Variants in SDK2 observed in about 807,000 individuals in gnomAD.
SDK2 encodes the protein sidekick cell adhesion molecule 2, also known as protein sidekick-2.
In SDK2, 105 loss-of-function variants were observed where a neutral mutation model predicts 253.9. The ratio of observed to expected loss-of-function variants is 0.41; its 90% CI spans 0.35 to 0.49. SDK2 has a LOEUF of 0.49. Among genes scored for constraint, SDK2 ranks in the 20% least tolerant of loss-of-function variants. The pLI, the probability that SDK2 is intolerant of heterozygous loss-of-function variation, is 0.06. For missense variants in SDK2, 2,608 were observed against 3,003.0 expected, an observed-to-expected ratio of 0.87 and a Z score of 3.07; for synonymous variants, 1,249 against 1,234.9, an observed-to-expected ratio of 1.01 and a Z score of -0.24.
chr17:73,634,938 T>C (rs1243083073), intron 1 of SDK2, among the ~76,000 whole-genome samples: 1 of 151,964 alleles, frequency 6.6e-6, no homozygotes, highest in Non-Finnish European at 1.5e-5. Context: ...ACCCAGGCAG[T>C]AAATGACAGG....
chr17:73,489,674 G>A (rs1290373681), intron 2 of SDK2, among the ~76,000 whole-genome samples: 3 of 152,190 alleles, frequency 2.0e-5, no homozygotes, highest in African/African-American at 7.2e-5. Flanking sequence ...AAGGGATGCT[G>A]GAAAGAGGCC....
intron 3 of SDK2, among the ~76,000 whole-genome samples, chr17:73,462,044 T>C (rs114250216): frequency 0.012 from 1,807 of 152,032 alleles, 34 homozygotes; most frequent in African/African-American, 0.041. Flanking sequence ...TATGATGTGA[T>C]AGATGGTTGC....
chr17:73,584,816 T>C (rs900758077), intron 1 of SDK2, among the ~76,000 whole-genome samples: 5 of 152,252 alleles, frequency 3.3e-5, no homozygotes, highest in Non-Finnish European at 5.9e-5. Flanking sequence ...AGGGTTCCCC[T>C]GCCTCTCCTG....
At chr17:73,440,128 A>T (rs1344245885) in intron 6 of SDK2, among the ~76,000 whole-genome samples, 6 of 136,576 alleles carry the variant, frequency 4.4e-5, no homozygotes, top group Non-Finnish European at 9.3e-5. Flanking sequence ...TTTTTTTGAG[A>T]TGGAGTTTCA....
chr17:73,504,631 C>CAA (rs146981971), intron 2 of SDK2, among the ~76,000 whole-genome samples: 1,762 of 46,734 alleles, frequency 0.038, 229 homozygotes, highest in African/African-American at 0.15. Flanking sequence ...GACTCTGTCT[C>CAA]AAAAAAAAAA....
intron 1 of SDK2, among the ~76,000 whole-genome samples, chr17:73,622,094 G>C (rs2046140051): frequency 6.6e-6 from 1 of 152,208 alleles, no homozygotes; most frequent in Non-Finnish European, 1.5e-5. Context: ...ACCAATCCAT[G>C]TGTCCACTAG....
intron 1 of SDK2, among the ~76,000 whole-genome samples, chr17:73,530,601 AGCCCCTCGCAGG>A (rs2064161387): frequency 6.6e-6 from 1 of 152,186 alleles, no homozygotes; most frequent in Non-Finnish European, 1.5e-5. Context: ...AGGGGCTGTA[AGCCCCTCGCAGG>A]GGTGTAGCTT....
intron 37 of SDK2, 103 bp downstream of exon 37, chr17:73,368,304 G>A: frequency 2.8e-6 from 3 of 1,089,184 alleles, no homozygotes; most frequent in Non-Finnish European, 3.7e-6. Flanking sequence ...GGCGGATAAG[G>A]CAGCTGCCCC....
chr17:73,435,555 C>T lies in SDK2; in HGVS notation c.1090G>A (p.Gly364Ser). The T allele has an allele frequency of 6.3e-7, 1 of 1,591,682 alleles. No homozygotes were observed. The highest frequency in any genetic ancestry group is 8.6e-7 in the Non-Finnish European group (1 of 1,169,414). The part of the protein sequence containing the change: ...LTRFRQRNDG[G>S]LQISGLVPDD... ...GGCACCAGGCCGCTGATCTGCAGGC[C>T]CCCGTCGTTGCGCTGCCGGAAGCGG... The change falls in exon 9 of 45, where the codon GGC becomes AGC. Residue 364 changes from glycine to serine, a missense_variant. Physicochemically the swap from Gly to Ser is moderately conservative, Grantham distance 56. Around this residue, in one of 2 missense-constraint regions of SDK2, gnomAD observed 1,505 missense variants for 1,859.1 expected, o/e 0.81. Coordinates refer to ENST00000392650, the MANE Select transcript of SDK2 (RefSeq NM_001144952.2). This position sits in a 1 kb window ranked among gnomAD's most constrained non-coding sequence, Gnocchi z 5.7.
At chr17:73,476,826 C>T (rs527390043) in intron 2 of SDK2, among the ~76,000 whole-genome samples, 69 of 152,158 alleles carry the variant, frequency 4.5e-4, no homozygotes, top group Non-Finnish European at 6.8e-4. Context: ...GAGGAAGGCC[C>T]GTGGGCTGCT....
At chr17:73,514,045 A>G (rs774278427) in intron 1 of SDK2, among the ~76,000 whole-genome samples, 4 of 152,214 alleles carry the variant, frequency 2.6e-5, no homozygotes, top group African/African-American at 7.2e-5. Context: ...ATTGTGGACC[A>G]CAGGTATGAA....
rs1017622292 is a variant in SDK2 at position 73,643,596 on chromosome 17, C to T, written c.64+429G>A. On this transcript the variant is annotated intron_variant, in intron 1 of 44. Transcript: ENST00000392650. This position sits in a 1 kb window ranked among gnomAD's most constrained non-coding sequence, Gnocchi z 6.9. ...CTCGCCCCGGGGAGGCCATCGCCTG[C>T]CCGGCAGGGGCCCTGCCCTTCCCCG... 9.9e-5 allele frequency among the ~76,000 whole-genome samples: 15 copies of T among 152,082 alleles called. No individual in the cohort carries two copies. The highest frequency in any genetic ancestry group is 2.1e-4 in the South Asian group (1 of 4,834).
rs2145820860 is a variant in SDK2 at position 73,541,050 on chromosome 17, C to G, written c.65-33453G>C. Among the ~76,000 whole-genome samples the G allele has an allele frequency of 6.6e-6, 1 of 152,324 alleles. No homozygotes were observed. Among genetic ancestry groups the G allele is most frequent in the South Asian group, 2.1e-4 (1 of 4,822 alleles). ...CCATCAAGCTGCCAATGGTAAGCTG[C>G]TAGGCCCCCTGAGAGTAGGTGTCTG... On this transcript the variant is annotated intron_variant, in intron 1 of 44. Transcript: ENST00000392650. The surrounding 1 kb of genome is among the most constrained non-coding windows in gnomAD (Gnocchi z 4.3).
At chr17:73,378,312 G>A (rs1369285124) in intron 36 of SDK2, among the ~76,000 whole-genome samples, 1 of 151,898 alleles carries the variant, frequency 6.6e-6, no homozygotes, top group African/African-American at 2.4e-5. Flanking sequence ...ATGTTGCCCA[G>A]GCTGTTCTGT....
Position 73,379,418 on chromosome 17 carries a change from C to A in SDK2, c.4864+30G>T. 6.4e-7 allele frequency: 1 copy of A among 1,561,462 alleles called. No homozygotes were observed. The highest frequency in any genetic ancestry group is 8.8e-7 in the Non-Finnish European group (1 of 1,142,324). Reference sequence around the variant, plus strand: ...ACTGGGTGGGGCTGGGAAAGGCATGCTGGGGCCGGACAGGGCGGGCGCTGC... The same window carrying A: ...ACTGGGTGGGGCTGGGAAAGGCATGATGGGGCCGGACAGGGCGGGCGCTGC... On this transcript the variant is annotated intron_variant, in intron 35 of 44. Coordinates refer to ENST00000392650, the MANE Select transcript of SDK2 (RefSeq NM_001144952.2). This position sits in a 1 kb window ranked among gnomAD's most constrained non-coding sequence, Gnocchi z 4.5.
At chr17:73,593,691 C>T (rs1025068365) in intron 1 of SDK2, among the ~76,000 whole-genome samples, 16 of 152,206 alleles carry the variant, frequency 1.1e-4, no homozygotes, top group South Asian at 4.1e-4. Context: ...ATGCAGTAAT[C>T]GGATCACGGA....
chr17:73,450,972 T>A (rs1362425377), intron 4 of SDK2, among the ~76,000 whole-genome samples: 1 of 152,222 alleles, frequency 6.6e-6, no homozygotes, highest in Admixed American at 6.5e-5. Flanking sequence ...GCTTCCCTTG[T>A]GTCATGGACT....
chr17:73,483,701 ATATATATTTTT>A (rs1567799535), intron 2 of SDK2, among the ~76,000 whole-genome samples: 1 of 63,118 alleles, frequency 1.6e-5, no homozygotes, highest in African/African-American at 7.9e-5. Flanking sequence ...ATATATATAT[ATATATATTTTT>A]TTTTTTTTTT....
At chr17:73,365,165 TCA>T (rs1331630516) in intron 38 of SDK2, 91 bp downstream of exon 38, 6 of 921,770 alleles carry the variant, frequency 6.5e-6, no homozygotes, top group Non-Finnish European at 9.3e-6. Context: ...TCACCGAATC[TCA>T]CTCATGTGTA....
Sources: allele counts gnomAD v4.1 joint callset (sites outside exome capture counted in the v4.1 genomes callset), GRCh38; gene constraint gnomAD v4.1.1; regional missense constraint gnomAD v4.1.1; non-coding constraint Gnocchi (gnomAD v3.1); transcripts MANE v1.5; gene names NCBI Gene and HGNC (gene_info 2026-07-23, HGNC 2026-07-21).